Variants in PBX3 observed in about 807,000 individuals in gnomAD.
The protein encoded by PBX3 is pre-B-cell leukemia transcription factor 3.
Under a neutral mutation model 48.5 loss-of-function variants are expected in PBX3, and 14 were observed. The ratio of observed to expected loss-of-function variants is 0.29; its 90% CI spans 0.19 to 0.45. The LOEUF (loss-of-function observed/expected upper bound fraction) is 0.45. PBX3 is among the 20% of genes least tolerant of loss of function. The pLI is 1.00. For missense variants in PBX3, 386 were observed against 546.7 expected (o/e 0.71, Z 2.93); for synonymous variants, 210 against 200.3 (o/e 1.05, Z -0.41).
At chr9:125,772,880 A>C (rs1836976289) in intron 2 of PBX3, among the ~76,000 whole-genome samples, 1 of 152,242 alleles carries the variant, frequency 6.6e-6, no homozygotes, top group African/African-American at 2.4e-5. Context: ...AGTCTGGGCA[A>C]CATGGGGTGA....
intron 2 of PBX3, among the ~76,000 whole-genome samples, chr9:125,813,140 C>T (rs1838344183): frequency 6.6e-6 from 1 of 152,144 alleles, no homozygotes; most frequent in African/African-American, 2.4e-5. Flanking sequence ...AACTTTTTGA[C>T]TTTTGTAATA....
intron 1 of PBX3, 57 bp from the exon 2 acceptor site, chr9:125,748,493 G>A: frequency 2.5e-6 from 4 of 1,582,424 alleles, no homozygotes; most frequent in South Asian, 2.2e-5. Context: ...AAAGGAAGGC[G>A]CCATATTATT....
At chr9:125,935,298 G>A (rs186229193) in intron 4 of PBX3, among the ~76,000 whole-genome samples, 174 bp from the exon 5 acceptor site, 7 of 152,120 alleles carry the variant, frequency 4.6e-5, no homozygotes, top group Admixed American at 3.3e-4. Context: ...AAAATGAGTT[G>A]GATAATGCCT....
chr9:125,751,711 C>T (rs1233850888), intron 2 of PBX3, among the ~76,000 whole-genome samples: 1 of 152,086 alleles, frequency 6.6e-6, no homozygotes, highest in Admixed American at 6.5e-5. Context: ...AACCAAGTAA[C>T]CAGTGAGATT....
intron 2 of PBX3, among the ~76,000 whole-genome samples, chr9:125,817,926 G>C (rs1375693732): frequency 6.6e-6 from 1 of 152,218 alleles, no homozygotes; most frequent in Non-Finnish European, 1.5e-5. Context: ...GTATTGGCTG[G>C]ATGCGGTGGC....
intron 2 of PBX3, among the ~76,000 whole-genome samples, chr9:125,831,223 C>A (rs947063464): frequency 3.9e-5 from 6 of 152,162 alleles, no homozygotes; most frequent in African/African-American, 1.2e-4. Context: ...TCAGCCATAA[C>A]GTTTAGTCAT....
intron 2 of PBX3, among the ~76,000 whole-genome samples, chr9:125,750,296 C>A (rs896597611): frequency 1.3e-5 from 2 of 152,134 alleles, no homozygotes; most frequent in Non-Finnish European, 2.9e-5. Context: ...GCTTCTCATC[C>A]CCTTCTCATT....
chr9:125,896,707 A>C (rs1840776622), intron 2 of PBX3, among the ~76,000 whole-genome samples: 1 of 152,092 alleles, frequency 6.6e-6, no homozygotes, highest in East Asian at 1.9e-4. Flanking sequence ...CCTGCAAGCT[A>C]ATTAGCCTCC....
At chr9:125,784,321 G>A (rs561688919) in intron 2 of PBX3, among the ~76,000 whole-genome samples, 3 of 152,076 alleles carry the variant, frequency 2.0e-5, no homozygotes, top group Non-Finnish European at 4.4e-5. Context: ...TACAGACGGG[G>A]TTTCGCCATG....
rs1854706 is a variant in PBX3, at chr9:125,929,789, C to T, written c.651C>T (p.Leu217=). 0.014 allele frequency: 22,403 copies of T among 1,614,016 alleles called. 1,318 individuals are homozygous for T. In the East Asian group the frequency reaches 0.17, roughly 12 times the overall value. Residue 217 remains leucine, a synonymous_variant, in exon 4 of 9, where the codon CTC becomes CTT. Transcript: ENST00000373489. ...AATTTAGTTCCATTCAGATGCAGCT[C>T]AAACAAAGCACTTGTGAAGCAGTTA... ...HRKFSSIQMQ[L]KQSTCEAVMI...
At chr9:125,919,340 C>T (rs1215624121) in intron 3 of PBX3, among the ~76,000 whole-genome samples, 1 of 147,350 alleles carries the variant, frequency 6.8e-6, no homozygotes, top group East Asian at 2.0e-4. Flanking sequence ...TTACAGGCGT[C>T]TGCCATCATG....
chr9:125,935,043 C>T (rs182028198), intron 4 of PBX3, among the ~76,000 whole-genome samples: 1 of 152,306 alleles, frequency 6.6e-6, no homozygotes, highest in Non-Finnish European at 1.5e-5. Flanking sequence ...CCCTGCCCAT[C>T]CTTCCAGACT....
intron 2 of PBX3, among the ~76,000 whole-genome samples, chr9:125,822,549 T>G (rs1186015216): frequency 1.3e-5 from 2 of 152,214 alleles, no homozygotes; most frequent in East Asian, 3.8e-4. Flanking sequence ...CTCTAAAATG[T>G]GTATATTTCT....
At chr9:125,894,690 A>T (rs1164491501) in intron 2 of PBX3, among the ~76,000 whole-genome samples, 1 of 152,138 alleles carries the variant, frequency 6.6e-6, no homozygotes, top group Non-Finnish European at 1.5e-5. Flanking sequence ...GCTTTATTTA[A>T]TGCTGACAGA....
intron 2 of PBX3, among the ~76,000 whole-genome samples, chr9:125,844,267 G>C (rs1839366513): frequency 6.7e-6 from 1 of 148,276 alleles, no homozygotes; most frequent in Non-Finnish European, 1.5e-5. Flanking sequence ...AGCTCCATAA[G>C]TGACTGTTTA....
At chr9:125,808,240 G>A (rs1056925107) in intron 2 of PBX3, among the ~76,000 whole-genome samples, 5 of 152,096 alleles carry the variant, frequency 3.3e-5, no homozygotes, top group Non-Finnish European at 5.9e-5. Flanking sequence ...GTATAAAATA[G>A]GACGTATAGT....
chr9:125,952,167 A>G (rs764501546), intron 5 of PBX3, among the ~76,000 whole-genome samples: 5 of 152,268 alleles, frequency 3.3e-5, no homozygotes, highest in Non-Finnish European at 5.9e-5. Flanking sequence ...TACATAAAGT[A>G]TGCATCACAA....
At chr9:125,834,590 G>A (rs1398024460) in intron 2 of PBX3, among the ~76,000 whole-genome samples, 1 of 151,226 alleles carries the variant, frequency 6.6e-6, no homozygotes, top group African/African-American at 2.4e-5. Flanking sequence ...AGAGACGGGG[G>A]TTGCGCCAAG....
At chr9:125,868,484 G>A (rs992440752) in intron 2 of PBX3, among the ~76,000 whole-genome samples, 3 of 152,200 alleles carry the variant, frequency 2.0e-5, no homozygotes, top group African/African-American at 4.8e-5. Flanking sequence ...GCGTAGTGAA[G>A]TAAGACATAA....
Sources: allele counts gnomAD v4.1 joint callset (sites outside exome capture counted in the v4.1 genomes callset), GRCh38; gene constraint gnomAD v4.1.1; transcripts MANE v1.5; gene names NCBI Gene and HGNC (gene_info 2026-07-23, HGNC 2026-07-21).